The following GOLT1B variants were observed in gnomAD, a reference collection of about 807,000 sequenced individuals.
The protein encoded by GOLT1B is golgi transport 1B.
In GOLT1B, 3 loss-of-function variants were observed where a neutral mutation model predicts 15.4. That is an observed-to-expected ratio of 0.19 (90% confidence interval 0.09 to 0.50). The LOEUF is 0.50. Ranked by LOEUF, GOLT1B falls within the 20% of genes least tolerant of loss-of-function variation. The probability of loss-of-function intolerance (pLI) is 0.97; values close to 1 mark genes in which losing one functional copy is unlikely to be tolerated. For missense variants in GOLT1B, 145 were observed against 160.4 expected, an observed-to-expected ratio of 0.90 and a Z score of 0.52; for synonymous variants, 65 against 56.2, an observed-to-expected ratio of 1.16 and a Z score of -0.70.
chr12:21,508,488 G>T lies in GOLT1B; in HGVS notation c.223G>T (p.Val75Leu). Residue 75 changes from valine (V) to leucine (L), a missense_variant, in exon 3 of 5, where the codon GTA becomes TTA. By Grantham distance (32) the Val-to-Leu change is conservative. Coordinates refer to ENST00000229314, the MANE Select transcript of GOLT1B (RefSeq NM_016072.5). ...AGCTACAGGTTTTTTTCTGGGTGGT[G>T]TATTTGTAGTCCTTATTGGTTGGCC... The part of the protein sequence containing the change: ...MKATGFFLGG[V>L]FVVLIGWPLI... The T allele has an allele frequency of 6.3e-7, 1 of 1,586,122 alleles. No homozygotes were observed. The highest frequency in any genetic ancestry group is 2.2e-5 in the East Asian group (1 of 44,562).
chr12:21,506,588 A>G (rs1432038455), intron 1 of GOLT1B, among the ~76,000 whole-genome samples: 1 of 152,076 alleles, frequency 6.6e-6, no homozygotes. Context: ...CAAATTACAT[A>G]TTAAAACCAA....
At chr12:21,507,071 A>G (rs1297740528) in intron 2 of GOLT1B, 95 bp downstream of exon 2, 1 of 679,372 alleles carries the variant, frequency 1.5e-6, no homozygotes, top group Non-Finnish European at 2.7e-6. Context: ...AAAATAATTC[A>G]CTATTACTCA....
chr12:21,515,176 T>A (rs984843398), intron 4 of GOLT1B: 1 of 818,994 alleles, frequency 1.2e-6, no homozygotes, highest in South Asian at 1.6e-5. Flanking sequence ...ATTTAAAGTA[T>A]TTTTAGTCAA....
At chr12:21,513,201 GGTTTCCACCTT>G (rs1943732682) in intron 4 of GOLT1B, among the ~76,000 whole-genome samples, 1 of 151,966 alleles carries the variant, frequency 6.6e-6, no homozygotes. Context: ...TGTGTGCCTT[GGTTTCCACCTT>G]GATAAAATAA....
chr12:21,509,215 A>G (rs111261833), intron 3 of GOLT1B, among the ~76,000 whole-genome samples: 3 of 152,038 alleles, frequency 2.0e-5, no homozygotes, highest in Non-Finnish European at 4.4e-5. Context: ...CCTGGCCAGC[A>G]TGATGAAACC....
chr12:21,502,052 G>A (rs1943632564), intron 1 of GOLT1B, 104 bp downstream of exon 1: 3 of 827,260 alleles, frequency 3.6e-6, no homozygotes, highest in East Asian at 5.1e-5. Flanking sequence ...TGGGTTGGGG[G>A]CGGTGGCCTG....
intron 3 of GOLT1B, among the ~76,000 whole-genome samples, chr12:21,511,565 G>A (rs1565582559): frequency 2.0e-5 from 3 of 152,274 alleles, no homozygotes; most frequent in Admixed American, 2.0e-4. Flanking sequence ...CTGGTGACCA[G>A]CCCCCATCCT....
In GOLT1B at chr12:21,501,903, G is replaced by A. The variant is rs373400881; in HGVS notation, c.-21G>A. The A allele has an allele frequency of 1.0e-5, 16 of 1,591,378 alleles. No individual in the cohort carries two copies. The highest frequency in any genetic ancestry group is 1.4e-5 in the Non-Finnish European group (16 of 1,159,700). ...CTGGGCTTTCCGAGGTGCTGTCGCC[G>A]CTGTCCCCACCACTGCAGCCATGAT... On this transcript the variant is annotated 5_prime_UTR_variant, in exon 1 of 5. Transcript: ENST00000229314.
At chr12:21,510,243 T>C (rs1240375993) in intron 3 of GOLT1B, among the ~76,000 whole-genome samples, 4 of 151,756 alleles carry the variant, frequency 2.6e-5, no homozygotes, top group Non-Finnish European at 5.9e-5. Context: ...GGAAAAGAGG[T>C]GGGAGAAGAA....
At chr12:21,515,559 A>G in intron 4 of GOLT1B, 110 bp from the exon 5 acceptor site, 1 of 684,316 alleles carries the variant, frequency 1.5e-6, no homozygotes, top group Non-Finnish European at 2.6e-6. Context: ...TTAAATTTCC[A>G]CAACTCTTCT....
chr12:21,515,124 T>G, intron 4 of GOLT1B: 1 of 573,226 alleles, frequency 1.7e-6, no homozygotes, highest in Non-Finnish European at 3.1e-6. Flanking sequence ...TAAATCTATC[T>G]TTAATGTCAT....
chr12:21,513,658 A>G (rs1435075358), intron 4 of GOLT1B, among the ~76,000 whole-genome samples: 3 of 149,654 alleles, frequency 2.0e-5, no homozygotes, highest in Non-Finnish European at 4.4e-5. Flanking sequence ...CAGGCCATGC[A>G]TGGTGGTTCA....
At chr12:21,506,080 C>T (rs917616965) in intron 1 of GOLT1B, among the ~76,000 whole-genome samples, 14 of 152,024 alleles carry the variant, frequency 9.2e-5, no homozygotes, top group Admixed American at 3.3e-4. Context: ...TGGAACAGTT[C>T]CTTGCATCTG....
rs2136814286 is a variant in GOLT1B at position 21,518,375 on chromosome 12, CACTT to C, written c.*2671_*2674del. 2 of 152,064 alleles carry C rather than the reference CACTT, an allele frequency of 1.3e-5. No homozygotes were observed. The highest frequency in any genetic ancestry group is 4.8e-5 in the African/African-American group (2 of 41,482). The allele number at this position is 152,064 out of a possible 1,614,324, so 9.4% of individuals were successfully genotyped here. A position where few individuals can be genotyped will look rare whatever the true frequency, so the allele number is the denominator to read the frequency against. ...AATTTTGAAAACTGTAAAATAAAGT[CACTT>C]ACCTTGGGCAATATGCTATTTTTTA... is the stretch of plus-strand genomic sequence containing the variant. On this transcript the variant is annotated 3_prime_UTR_variant, in exon 5 of 5. Coordinates refer to ENST00000229314, the MANE Select transcript of GOLT1B (RefSeq NM_016072.5).
At chr12:21,504,399 T>C (rs1943663418) in intron 1 of GOLT1B, among the ~76,000 whole-genome samples, 1 of 152,158 alleles carries the variant, frequency 6.6e-6, no homozygotes, top group African/African-American at 2.4e-5. Context: ...TTTTGACCAG[T>C]GTGGATCAGG....
Position 21,517,441 on chromosome 12 carries a change from T to C in GOLT1B, c.*1734T>C, listed in dbSNP as rs1472202674. The C allele has an allele frequency of 6.6e-6, 1 of 152,386 alleles. No homozygotes were observed. Among genetic ancestry groups the C allele is most frequent in the Non-Finnish European group, 1.5e-5 (1 of 67,862 alleles). 9.4% of individuals were successfully genotyped at this position (152,386 alleles called of 1,614,324 possible). A position where few individuals can be genotyped will look rare whatever the true frequency, so the allele number is the denominator to read the frequency against. On this transcript the variant is annotated 3_prime_UTR_variant, in exon 5 of 5. Coordinates refer to ENST00000229314, the MANE Select transcript of GOLT1B (RefSeq NM_016072.5). ...ACTTGGAGAGTGTCAAATACATACTTTGAGGATTGACTTTATATAAGGTGC... is the reference window on the plus strand; with the variant it reads ...ACTTGGAGAGTGTCAAATACATACTCTGAGGATTGACTTTATATAAGGTGC...
Position 21,516,897 on chromosome 12 carries a change from G to C in GOLT1B, c.*1190G>C, listed in dbSNP as rs1325181592. ...TAATAAACTGACTGTGGTTTCTTAA[G>C]AACATGACACTAAAAAAAAAGTGTT... On this transcript the variant is annotated 3_prime_UTR_variant, in exon 5 of 5. Transcript: ENST00000229314. 1 of 152,178 alleles carries C rather than the reference G, an allele frequency of 6.6e-6. No homozygotes were observed. Among genetic ancestry groups the C allele is most frequent in the Non-Finnish European group, 1.5e-5 (1 of 67,832 alleles). The allele number at this position is 152,178 out of a possible 1,614,324, so 9.4% of individuals were successfully genotyped here.
chr12:21,505,583 T>A (rs1943673010), intron 1 of GOLT1B, among the ~76,000 whole-genome samples: 1 of 152,142 alleles, frequency 6.6e-6, no homozygotes, highest in African/African-American at 2.4e-5. Flanking sequence ...ACACTAGTTA[T>A]CAGGAAATTG....
chr12:21,502,010 C>T (rs1343132911), intron 1 of GOLT1B, 62 bp downstream of exon 1: 13 of 1,178,168 alleles, frequency 1.1e-5, no homozygotes. Context: ...GGCTGGGTCT[C>T]GCCCCTCCGC....
Sources: allele counts gnomAD v4.1 joint callset (sites outside exome capture counted in the v4.1 genomes callset), GRCh38; gene constraint gnomAD v4.1.1; transcripts MANE v1.5; gene names NCBI Gene and HGNC (gene_info 2026-07-23, HGNC 2026-07-21).